The following IKBKB-DT variants were observed in gnomAD, a reference collection of about 807,000 sequenced individuals.
The protein encoded by IKBKB-DT is IKBKB divergent transcript, also known as IKBKB antisense RNA.
intron 3 of IKBKB-DT, among the ~76,000 whole-genome samples, chr8:42,259,180 C>T (rs1387900683): frequency 2.6e-5 from 4 of 152,088 alleles, no homozygotes; most frequent in African/African-American, 7.2e-5. Context: ...CATGCACCAC[C>T]ATGTCTGACT....
chr8:42,259,478 A>G (rs1807252261), intron 3 of IKBKB-DT, among the ~76,000 whole-genome samples: 1 of 152,224 alleles, frequency 6.6e-6, no homozygotes, highest in Admixed American at 6.5e-5. Context: ...CTAGGTATGC[A>G]GTAAATATTT....
intron 3 of IKBKB-DT, among the ~76,000 whole-genome samples, chr8:42,259,102 C>T (rs751137041): frequency 6.6e-6 from 1 of 151,886 alleles, no homozygotes; most frequent in Non-Finnish European, 1.5e-5. Context: ...CTCGGTTCAC[C>T]GCAACCTCTG....
intron 3 of IKBKB-DT, among the ~76,000 whole-genome samples, chr8:42,245,518 G>A (rs1412112625): frequency 6.6e-6 from 1 of 152,226 alleles, no homozygotes; most frequent in African/African-American, 2.4e-5. Context: ...AAGCCTTTGA[G>A]CGGTGGAGAA....
At chr8:42,259,964 AG>A (rs966427265) in intron 3 of IKBKB-DT, among the ~76,000 whole-genome samples, 17 of 148,562 alleles carry the variant, frequency 1.1e-4, no homozygotes, top group African/African-American at 4.3e-4. Context: ...CCTGGGCAAC[AG>A]AGTAAGACTC....
At chr8:42,253,692 T>C (rs1656490058) in intron 3 of IKBKB-DT, among the ~76,000 whole-genome samples, 1 of 152,180 alleles carries the variant, frequency 6.6e-6, no homozygotes, top group African/African-American at 2.4e-5. Flanking sequence ...TGAACATAAA[T>C]TTAATTTACT....
intron 3 of IKBKB-DT, among the ~76,000 whole-genome samples, chr8:42,248,192 T>C (rs183402996): frequency 3.4e-4 from 52 of 152,220 alleles, no homozygotes; most frequent in Admixed American, 3.1e-3. Flanking sequence ...TAAACCTCCT[T>C]CATTTACAAA....
intron 3 of IKBKB-DT, chr8:42,255,189 C>T (rs1807182883): frequency 6.6e-6 from 1 of 152,314 alleles, no homozygotes; most frequent in East Asian, 1.9e-4. Context: ...TGAGGAGTGC[C>T]TCTGCCTGGC....
chr8:42,268,129 ATTTTTTTT>A (rs541093630), intron 1 of IKBKB-DT, among the ~76,000 whole-genome samples: 4 of 130,384 alleles, frequency 3.1e-5, no homozygotes, highest in African/African-American at 9.0e-5. Context: ...GTGCTCAATA[ATTTTTTTT>A]TTTTTTTTTT....
intron 3 of IKBKB-DT, among the ~76,000 whole-genome samples, chr8:42,239,100 T>C (rs933279017): frequency 6.6e-6 from 1 of 152,160 alleles, no homozygotes; most frequent in African/African-American, 2.4e-5. Context: ...TCCTCCCCTG[T>C]CAGAGTGGTA....
chr8:42,268,301 AT>A (rs1207433391), intron 1 of IKBKB-DT, among the ~76,000 whole-genome samples: 4 of 149,460 alleles, frequency 2.7e-5, no homozygotes, highest in East Asian at 2.0e-4. Flanking sequence ...CGCCCAGCTA[AT>A]TTTTTTGTAT....
At chr8:42,258,216 A>C (rs1261392235) in intron 3 of IKBKB-DT, among the ~76,000 whole-genome samples, 1 of 152,200 alleles carries the variant, frequency 6.6e-6, no homozygotes, top group African/African-American at 2.4e-5. Context: ...ATTAAGGCTC[A>C]TTTTTGAGAT....
At chr8:42,247,842 C>T (rs748102882) in intron 3 of IKBKB-DT, among the ~76,000 whole-genome samples, 1 of 152,288 alleles carries the variant, frequency 6.6e-6, no homozygotes, top group Admixed American at 6.5e-5. Flanking sequence ...CACCTATAAT[C>T]TCAGCACTTT....
At chr8:42,268,170 T>G (rs1807401120) in intron 1 of IKBKB-DT, among the ~76,000 whole-genome samples, 1 of 151,318 alleles carries the variant, frequency 6.6e-6, no homozygotes, top group Non-Finnish European at 1.5e-5. Context: ...GTTTTGCTCT[T>G]GTCGCCCAGG....
At position 42,235,209 on chromosome 8, in the gene IKBKB-DT, T is replaced by G. The variant is rs1320022100; in HGVS notation, n.1530-1350A>C. Among the ~76,000 whole-genome samples, 4 of 143,328 alleles carry G rather than the reference T, an allele frequency of 2.8e-5. No individual in the cohort carries two copies. In the South Asian group the frequency reaches 8.8e-4, roughly 32 times the overall value. 94.0% of individuals were successfully genotyped at this position (143,328 alleles called of 152,430 possible). A position where few individuals can be genotyped will look rare whatever the true frequency, so the allele number is the denominator to read the frequency against. Reference sequence around the variant, plus strand: ...TTTTTTCTTTTCTTTTATTTTCTTTTTTTTTTTTTTTTTGAGACAGAGTCT... The same window carrying G: ...TTTTTTCTTTTCTTTTATTTTCTTTGTTTTTTTTTTTTTGAGACAGAGTCT... On this transcript the variant is annotated intron_variant and non_coding_transcript_variant, in intron 3 of 3. Transcript: ENST00000518213.
At chr8:42,245,246 T>C (rs867897737) in intron 3 of IKBKB-DT, among the ~76,000 whole-genome samples, 10 of 152,178 alleles carry the variant, frequency 6.6e-5, no homozygotes, top group Middle Eastern at 3.4e-3. Flanking sequence ...AGAGCAAGAC[T>C]CCATCTCAAA....
rs564386346 is a variant in IKBKB-DT, at chr8:42,243,274, G to A, written n.1530-9415C>T. Among the ~76,000 whole-genome samples the A allele has an allele frequency of 3.3e-5, 5 of 152,336 alleles. No homozygotes were observed. The South Asian group carries it at 1.0e-3, about 32-fold the overall frequency. On this transcript the variant is annotated intron_variant and non_coding_transcript_variant, in intron 3 of 3. Coordinates refer to ENST00000518213, the Ensembl canonical transcript of IKBKB-DT. ...CTCCATGCAGCCTCCTGGTGGGTGA[G>A]CGTTCTGCTCTGGAGCATCTAAGCA...
intron 3 of IKBKB-DT, among the ~76,000 whole-genome samples, chr8:42,235,991 GC>G (rs542892010): frequency 9.9e-5 from 15 of 152,142 alleles, no homozygotes; most frequent in South Asian, 8.3e-4. Context: ...TCACACAACT[GC>G]CCTCCAGCCT....
At chr8:42,237,754 G>A (rs1806943614) in intron 3 of IKBKB-DT, among the ~76,000 whole-genome samples, 1 of 151,998 alleles carries the variant, frequency 6.6e-6, no homozygotes, top group African/African-American at 2.4e-5. Flanking sequence ...GCCAGGTGCA[G>A]TAGCTCACAC....
At chr8:42,256,088 A>G (rs1807196637) in intron 3 of IKBKB-DT, among the ~76,000 whole-genome samples, 1 of 152,072 alleles carries the variant, frequency 6.6e-6, no homozygotes, top group Non-Finnish European at 1.5e-5. Flanking sequence ...CATGAAAATA[A>G]GAATAGCCAG....
Sources: gnomAD v4.1 joint callset for allele counts (sites outside exome capture counted in the v4.1 genomes callset) on GRCh38, gnomAD v4.1.1 for gene constraint, MANE v1.5 for transcripts, NCBI Gene and HGNC (gene_info 2026-07-23, HGNC 2026-07-21) for gene names.